The following FTO variants were observed in gnomAD, a reference collection of about 807,000 sequenced individuals.
The protein encoded by FTO is alpha-ketoglutarate-dependent dioxygenase FTO.
A neutral mutation model predicts 63.9 loss-of-function variants in FTO; 47 were observed. The observed-to-expected ratio is 0.74, with a 90% CI of 0.58 to 0.94. The LOEUF (loss-of-function observed/expected upper bound fraction) is 0.94. FTO is among the 40% of genes least tolerant of loss of function. The probability of loss-of-function intolerance (pLI) is 0.00; values close to 1 mark genes in which losing one functional copy is unlikely to be tolerated. For missense variants in FTO, 562 were observed against 618.1 expected (o/e 0.91, Z 0.96); for synonymous variants, 207 against 224.4 (o/e 0.92, Z 0.69).
chr16:54,018,425 C>G (rs749588963), intron 8 of FTO, among the ~76,000 whole-genome samples: 1,496 of 123,992 alleles, frequency 0.012, 9 homozygotes, highest in Non-Finnish European at 0.019. Context: ...TACATACATA[C>G]ATACATACAT....
chr16:53,974,045 T>C (rs2083385708), intron 8 of FTO, among the ~76,000 whole-genome samples: 1 of 152,150 alleles, frequency 6.6e-6, no homozygotes, highest in Non-Finnish European at 1.5e-5. Context: ...TCTCAGGATA[T>C]GTAGATTTAT....
At chr16:53,800,388 A>G (rs149674963) in intron 1 of FTO, among the ~76,000 whole-genome samples, 1 of 152,264 alleles carries the variant, frequency 6.6e-6, no homozygotes, top group East Asian at 1.9e-4. Flanking sequence ...ATCCTTATAA[A>G]TGTATTGAGA....
chr16:53,884,046 C>T lies in FTO; in HGVS notation c.1119+4059C>T, dbSNP rs560107697. On this transcript the variant is annotated intron_variant, in intron 6 of 8. Coordinates refer to ENST00000471389, the MANE Select transcript of FTO (RefSeq NM_001080432.3). ...CCATGTGTCTTTTCTGGACAAATCA[C>T]AGGATGAAGCCCTTGGTTTTACATA... 9.2e-5 allele frequency among the ~76,000 whole-genome samples: 14 copies of T among 152,306 alleles called. No homozygotes were observed. In the East Asian group the frequency reaches 2.3e-3, roughly 25 times the overall value.
At chr16:53,755,184 C>T (rs147781301) in intron 1 of FTO, among the ~76,000 whole-genome samples, 16 of 152,200 alleles carry the variant, frequency 1.1e-4, no homozygotes, top group Non-Finnish European at 1.8e-4. Flanking sequence ...TTATTTATCC[C>T]GCTCTCATCC....
At chr16:53,715,217 T>A (rs1318982858) in intron 1 of FTO, among the ~76,000 whole-genome samples, 1 of 152,204 alleles carries the variant, frequency 6.6e-6, no homozygotes, top group Non-Finnish European at 1.5e-5. Context: ...ATCTTAGCTA[T>A]AGCCCAGGGT....
intron 8 of FTO, among the ~76,000 whole-genome samples, chr16:53,938,708 G>A (rs549118069): frequency 3.3e-5 from 5 of 152,266 alleles, no homozygotes; most frequent in African/African-American, 7.2e-5. Context: ...TGGAACCATC[G>A]TTACCACAAC....
chr16:54,103,885 G>T (rs1303229196), intron 8 of FTO, among the ~76,000 whole-genome samples: 1 of 152,084 alleles, frequency 6.6e-6, no homozygotes, highest in Non-Finnish European at 1.5e-5. Flanking sequence ...AGCAAAATAT[G>T]GTGAGACTAT....
chr16:53,785,209 A>AG (rs1203043441), intron 1 of FTO, among the ~76,000 whole-genome samples: 2 of 152,196 alleles, frequency 1.3e-5, no homozygotes, highest in African/African-American at 4.8e-5. Context: ...GGAGTCAGTG[A>AG]GGAACAGGGC....
At chr16:53,978,650 G>C (rs1353121918) in intron 8 of FTO, among the ~76,000 whole-genome samples, 1 of 152,002 alleles carries the variant, frequency 6.6e-6, no homozygotes, top group Non-Finnish European at 1.5e-5. Context: ...AATTAATAAA[G>C]GCTCATTGTA....
chr16:54,003,268 CT>C lies in FTO; in HGVS notation c.1364+69160del, dbSNP rs1463925577. On this transcript the variant is annotated intron_variant, in intron 8 of 8. Transcript: ENST00000471389. ...TGAGAAAGAAGGCCTCCTCCAGGAG[CT>C]GTTGGTATGAGCCCCTAATGGGATC... 2.0e-5 allele frequency among the ~76,000 whole-genome samples: 3 copies of C among 152,232 alleles called. No homozygotes were observed. The East Asian group carries it at 5.8e-4, about 29-fold the overall frequency.
At chr16:54,083,108 A>G (rs746383889) in intron 8 of FTO, among the ~76,000 whole-genome samples, 45 of 152,296 alleles carry the variant, frequency 3.0e-4, no homozygotes, top group Non-Finnish European at 4.3e-4. Flanking sequence ...TTGAACAGAA[A>G]ATTATGGGGG....
intron 1 of FTO, among the ~76,000 whole-genome samples, chr16:53,772,426 T>C (rs528267210): frequency 3.9e-5 from 6 of 152,244 alleles, no homozygotes; most frequent in Admixed American, 1.3e-4. Flanking sequence ...AAAATAGTAC[T>C]CCCTACTTCA....
chr16:54,055,763 GT>G, intron 8 of FTO, among the ~76,000 whole-genome samples: 1 of 152,306 alleles, frequency 6.6e-6, no homozygotes. Context: ...ACACAGGAAG[GT>G]TTTGTTTGGG....
chr16:53,896,648 C>T lies in FTO; in HGVS notation c.1239+7697C>T, dbSNP rs1041943383. Reference sequence around the variant, plus strand: ...GAAAGTTTGTAAAATATAAAACATACATAAATGCAAGGTATCACCAGTATT... The same window carrying T: ...GAAAGTTTGTAAAATATAAAACATATATAAATGCAAGGTATCACCAGTATT... On this transcript the variant is annotated intron_variant, in intron 7 of 8. Coordinates refer to ENST00000471389, the MANE Select transcript of FTO (RefSeq NM_001080432.3). Among the ~76,000 whole-genome samples, 16 of 152,142 alleles carry T rather than the reference C, an allele frequency of 1.1e-4. No homozygotes were observed. In the East Asian group the frequency reaches 1.9e-3, roughly 18 times the overall value.
chr16:53,808,098 G>T (rs935393017), intron 1 of FTO, among the ~76,000 whole-genome samples: 4 of 152,066 alleles, frequency 2.6e-5, no homozygotes, highest in African/African-American at 9.7e-5. Context: ...TGAGGCCAAG[G>T]CGGGCAGATC....
intron 1 of FTO, among the ~76,000 whole-genome samples, chr16:53,799,407 T>C (rs1440577417): frequency 6.6e-6 from 1 of 152,160 alleles, no homozygotes; most frequent in Non-Finnish European, 1.5e-5. Context: ...CTTTTCTTTT[T>C]CTTTTTTTTC....
At chr16:53,749,497 G>C (rs2076730688) in intron 1 of FTO, among the ~76,000 whole-genome samples, 1 of 150,340 alleles carries the variant, frequency 6.7e-6, no homozygotes, top group African/African-American at 2.5e-5. Context: ...GGAGTGCAGT[G>C]GCGCAATCTC....
At chr16:53,883,645 A>AAAAAC (rs1555489012) in intron 6 of FTO, among the ~76,000 whole-genome samples, 26 of 150,426 alleles carry the variant, frequency 1.7e-4, no homozygotes, top group African/African-American at 5.6e-4. Context: ...ACAAAAAAAA[A>AAAAAC]AAAACAAATT....
At chr16:53,857,571 C>T (rs1039989597) in intron 4 of FTO, among the ~76,000 whole-genome samples, 6 of 151,926 alleles carry the variant, frequency 3.9e-5, no homozygotes, top group Admixed American at 1.3e-4. Context: ...TTGGAGCCTT[C>T]GTCTTTGGAG....
Sources: allele counts gnomAD v4.1 joint callset (sites outside exome capture counted in the v4.1 genomes callset), GRCh38; gene constraint gnomAD v4.1.1; transcripts MANE v1.5; gene names NCBI Gene and HGNC (gene_info 2026-07-23, HGNC 2026-07-21).